The following FNDC3A variants were observed in gnomAD, a reference collection of about 807,000 sequenced individuals.
The protein encoded by FNDC3A is fibronectin type-III domain-containing protein 3A.
In FNDC3A, 32 loss-of-function variants were observed where a neutral mutation model predicts 148.9. The ratio of observed to expected loss-of-function variants is 0.21; its 90% CI spans 0.16 to 0.29. FNDC3A has a LOEUF of 0.29. FNDC3A is among the 10% of genes least tolerant of loss of function. The probability of loss-of-function intolerance (pLI) is 1.00; values close to 1 mark genes in which losing one functional copy is unlikely to be tolerated. For missense variants in FNDC3A, 1,191 were observed against 1,452.8 expected, an observed-to-expected ratio of 0.82 and a Z score of 2.93; for synonymous variants, 472 against 473.6, an observed-to-expected ratio of 1.00 and a Z score of 0.04.
intron 1 of FNDC3A, among the ~76,000 whole-genome samples, chr13:48,980,852 T>C (rs2137544216): frequency 6.6e-6 from 1 of 152,284 alleles, no homozygotes; most frequent in African/African-American, 2.4e-5. Context: ...CAGGCATCAG[T>C]ACATTCCATA....
intron 1 of FNDC3A, among the ~76,000 whole-genome samples, chr13:48,991,687 CAAAAAAAAGAAAAAAGGAA>C (rs1318484118): frequency 7.1e-6 from 1 of 141,530 alleles, no homozygotes. Flanking sequence ...AACCCTGTCT[CAAAAAAAAGAAAAAAGGAA>C]AAAAAAAAGA....
intron 24 of FNDC3A, 54 bp from the exon 25 acceptor site, chr13:49,203,103 G>A: frequency 3.3e-6 from 4 of 1,198,358 alleles, no homozygotes; most frequent in Non-Finnish European, 4.8e-6. Flanking sequence ...TCTGCATGAT[G>A]TACCAAATTA....
At chr13:49,000,899 T>C (rs1470235658) in intron 1 of FNDC3A, among the ~76,000 whole-genome samples, 4 of 152,204 alleles carry the variant, frequency 2.6e-5, no homozygotes, top group Non-Finnish European at 5.9e-5. Context: ...TGAATTTTTA[T>C]GTATTGATTT....
At chr13:48,979,803 G>A (rs1314156464) in intron 1 of FNDC3A, among the ~76,000 whole-genome samples, 1 of 151,952 alleles carries the variant, frequency 6.6e-6, no homozygotes, top group East Asian at 1.9e-4. Flanking sequence ...TTACAGTCTC[G>A]GTTGAATGTT....
rs138468731 is a variant in FNDC3A, at chr13:49,080,303, G to A, written c.175+4939G>A. Among the ~76,000 whole-genome samples, 1,060 of 152,164 alleles carry A rather than the reference G, an allele frequency of 7.0e-3. 16 individuals are homozygous for A. The highest frequency in any genetic ancestry group is 0.024 in the African/African-American group (1,005 of 41,518). ...GCACCACTCTTAAATATCTAAAAGT[G>A]TAGTCTTCTGTTTTGCTAGTTTTCC... On this transcript the variant is annotated intron_variant, in intron 3 of 25. Coordinates refer to ENST00000492622, the MANE Select transcript of FNDC3A (RefSeq NM_001079673.2).
chr13:49,004,924 T>C (rs1157342303), intron 1 of FNDC3A, among the ~76,000 whole-genome samples: 1 of 151,924 alleles, frequency 6.6e-6, no homozygotes, highest in African/African-American at 2.4e-5. Flanking sequence ...GCAACATTAT[T>C]TGACAATATT....
intron 2 of FNDC3A, among the ~76,000 whole-genome samples, chr13:49,014,072 C>A (rs1425972762): frequency 2.8e-5 from 4 of 143,286 alleles, no homozygotes; most frequent in African/African-American, 7.9e-5. Context: ...GTGCATGTGT[C>A]TTTATAGCAG....
chr13:48,994,754 G>A (rs1951992331), intron 1 of FNDC3A, among the ~76,000 whole-genome samples: 1 of 151,644 alleles, frequency 6.6e-6, no homozygotes, highest in African/African-American at 2.4e-5. Flanking sequence ...TCCAGCCTGG[G>A]TGACAGAGCA....
chr13:49,114,410 T>TCC (rs71188346), intron 3 of FNDC3A, among the ~76,000 whole-genome samples: 20 of 81,680 alleles, frequency 2.4e-4, no homozygotes, highest in Admixed American at 4.0e-4. Flanking sequence ...CCCTCCAACC[T>TCC]CCCCGCCCCC....
At chr13:49,185,129 G>A (rs574397437) in intron 14 of FNDC3A, among the ~76,000 whole-genome samples, 68 of 100,844 alleles carry the variant, frequency 6.7e-4, no homozygotes, top group African/African-American at 1.8e-3. Context: ...TTTGATATTG[G>A]ACTTGAGGAT....
intron 7 of FNDC3A, among the ~76,000 whole-genome samples, chr13:49,141,238 AT>A (rs1217846665): frequency 5.3e-5 from 8 of 152,198 alleles, no homozygotes; most frequent in African/African-American, 1.9e-4. Flanking sequence ...AATTAACTAT[AT>A]TGAAAGTGTT....
chr13:49,133,001 C>T (rs1461110059), intron 5 of FNDC3A, among the ~76,000 whole-genome samples: 1 of 152,184 alleles, frequency 6.6e-6, no homozygotes, highest in Non-Finnish European at 1.5e-5. Context: ...CACTTATGCT[C>T]AGTACATTTG....
chr13:49,190,831 T>G (rs1885847293), intron 17 of FNDC3A, among the ~76,000 whole-genome samples, 184 bp from the exon 18 acceptor site: 4 of 152,238 alleles, frequency 2.6e-5, no homozygotes. Flanking sequence ...TATGAAAATT[T>G]TGAGTTTTTA....
At chr13:49,199,873 T>C (rs1039421332) in intron 23 of FNDC3A, among the ~76,000 whole-genome samples, 7 of 152,220 alleles carry the variant, frequency 4.6e-5, no homozygotes, top group Admixed American at 4.6e-4. Flanking sequence ...TTCAGGTTCT[T>C]TCTGTGCCTC....
In FNDC3A at chr13:49,136,438, T is replaced by C; in HGVS notation, c.597T>C (p.Asp199=). 3 of 1,614,056 alleles carry C rather than the reference T, an allele frequency of 1.9e-6. No individual in the cohort carries two copies. The highest frequency in any genetic ancestry group is 1.6e-4 in the Middle Eastern group (1 of 6,062). The change falls in exon 6 of 26, where the codon GAT becomes GAC. Residue 199 remains aspartate (D), a synonymous_variant. Transcript: ENST00000492622. ...AGGATCGCCAAGGAACACAGAAAGA[T>C]AAAATGAGCAGTCCACCATCATCAC... ...KLKDRQGTQK[D]KMSSPPSSPQ...
intron 2 of FNDC3A, among the ~76,000 whole-genome samples, chr13:49,053,678 G>A (rs1232555897): frequency 6.6e-6 from 1 of 152,144 alleles, no homozygotes; most frequent in African/African-American, 2.4e-5. Flanking sequence ...AAGCGTCTAG[G>A]TTAAGGCGTT....
intron 19 of FNDC3A, among the ~76,000 whole-genome samples, chr13:49,195,251 G>A (rs963196841): frequency 1.3e-4 from 20 of 152,044 alleles, no homozygotes; most frequent in African/African-American, 3.4e-4. Flanking sequence ...AAACATTTAC[G>A]TTTGTTTCTG....
intron 2 of FNDC3A, among the ~76,000 whole-genome samples, chr13:49,010,418 A>C (rs1386130592): frequency 6.6e-6 from 1 of 152,202 alleles, no homozygotes; most frequent in Non-Finnish European, 1.5e-5. Context: ...GGCTATCCCT[A>C]CAAGGGGCCA....
intron 14 of FNDC3A, among the ~76,000 whole-genome samples, chr13:49,183,240 G>A (rs1169265652): frequency 6.6e-6 from 1 of 152,086 alleles, no homozygotes; most frequent in Non-Finnish European, 1.5e-5. Flanking sequence ...CCCTTTGATT[G>A]CTGTTGCCCA....
Sources: allele counts gnomAD v4.1 joint callset (sites outside exome capture counted in the v4.1 genomes callset), GRCh38; gene constraint gnomAD v4.1.1; transcripts MANE v1.5; gene names NCBI Gene and HGNC (gene_info 2026-07-23, HGNC 2026-07-21).